Variants in BST1 observed in about 807,000 individuals in gnomAD.
The protein encoded by BST1 is bone marrow stromal cell antigen 1, also known as ADP-ribosyl cyclase/cyclic ADP-ribose hydrolase 2.
In BST1, 49 loss-of-function variants were observed where a neutral mutation model predicts 40.6. That is an observed-to-expected ratio of 1.21 (90% CI 0.96 to 1.53). The LOEUF is 1.53. Among genes scored for constraint, BST1 ranks in the 40% most tolerant of loss-of-function variants. BST1 has a pLI of 0.00. For missense variants in BST1, 423 were observed against 395.9 expected, an observed-to-expected ratio of 1.07 and a Z score of -0.58; for synonymous variants, 157 against 159.3, an observed-to-expected ratio of 0.99 and a Z score of 0.11.
the BST1 span, among the ~76,000 whole-genome samples, chr4:15,759,980 T>C: frequency 3.9e-5 from 6 of 151,980 alleles, no homozygotes; most frequent in Non-Finnish European, 8.8e-5. Context: ...CCTGAAAGTA[T>C]ATGATTTAGT....
chr4:15,750,862 T>G, the BST1 span, among the ~76,000 whole-genome samples: 1 of 152,196 alleles, frequency 6.6e-6, no homozygotes, highest in Non-Finnish European at 1.5e-5. Context: ...TATATATGGC[T>G]CATATTATAT....
In BST1 at chr4:15,725,947, C is replaced by CTTTTT. The variant is rs1206237130; in HGVS notation, c.851+3034_851+3038dup. Among the ~76,000 whole-genome samples, 138 of 60,158 alleles carry CTTTTT rather than the reference C, an allele frequency of 2.3e-3. 4 individuals are homozygous for CTTTTT. Among genetic ancestry groups the CTTTTT allele is most frequent in the South Asian group, 3.4e-3 (4 of 1,162 alleles). 39.5% of individuals were successfully genotyped at this position (60,158 alleles called of 152,430 possible). A position where few individuals can be genotyped will look rare whatever the true frequency, so the allele number is the denominator to read the frequency against. On this transcript the variant is annotated intron_variant, in intron 8 of 8. Transcript: ENST00000265016. ...GACTGACCTACTTGTGAAGTGCGGT[C>CTTTTT]TTTTTTTTTTTTTTTTTTTTTTTTT... is the stretch of plus-strand genomic sequence containing the variant.
At chr4:15,737,672 A>C (rs1050461792), downstream of BST1, 1 of 638,458 alleles carries the variant, frequency 1.6e-6, no homozygotes, top group Non-Finnish European at 2.5e-6. Context: ...GGGTGGGCAC[A>C]TGAAGAACTG....
At chr4:15,749,975 A>T in the BST1 span, among the ~76,000 whole-genome samples, 1 of 140,284 alleles carries the variant, frequency 7.1e-6, no homozygotes, top group African/African-American at 2.7e-5. Flanking sequence ...ATCCCCATCT[A>T]CCTCTCATCC....
chr4:15,705,646 C>A lies in BST1; in HGVS notation c.315+5C>A, dbSNP rs369976386. The A allele has an allele frequency of 2.5e-6, 4 of 1,613,904 alleles. No homozygotes were observed. In the East Asian group the frequency reaches 6.7e-5, roughly 27 times the overall value. ...CACTCTATTCCCAGAGATAAGGTAACACCACAACCATCTTGGGTAAAACTG... is the reference window on the plus strand; with the variant it reads ...CACTCTATTCCCAGAGATAAGGTAAAACCACAACCATCTTGGGTAAAACTG... On this transcript the variant is annotated splice_donor_5th_base_variant and intron_variant, in intron 2 of 8. Transcript: ENST00000265016.
Position 15,712,012 on chromosome 4 carries a change from T to C in BST1, c.534+123T>C, listed in dbSNP as rs1720244432. 4.0e-6 allele frequency: 3 copies of C among 740,764 alleles called. No homozygotes were observed. In the Admixed American group the frequency reaches 6.8e-5, roughly 17 times the overall value. The allele number at this position is 740,764 out of a possible 1,614,324, so 45.9% of individuals were successfully genotyped here. On this transcript the variant is annotated intron_variant, in intron 4 of 8. Transcript: ENST00000265016. ...TTCTCTGAGCCTCACTTTCCACTTT[T>C]ACCACATCATGATTCATGCTCTTTG...
At chr4:15,742,614 T>C (rs1270045709), downstream of BST1, among the ~76,000 whole-genome samples, 1 of 152,264 alleles carries the variant, frequency 6.6e-6, no homozygotes, top group Non-Finnish European at 1.5e-5. Context: ...TGACTTTGAA[T>C]TTCTTTAGAA....
downstream of BST1, among the ~76,000 whole-genome samples, chr4:15,739,204 A>G (rs1333158336): frequency 6.6e-6 from 1 of 152,224 alleles, no homozygotes; most frequent in Non-Finnish European, 1.5e-5. Flanking sequence ...TGCATAACCA[A>G]TGAAGCAGGT....
Position 15,708,752 on chromosome 4 carries a change from A to G in BST1, c.451+1106A>G, listed in dbSNP as rs183373917. Among the ~76,000 whole-genome samples the G allele has an allele frequency of 1.7e-3, 262 of 152,192 alleles. 2 individuals are homozygous for G. Among genetic ancestry groups the G allele is most frequent in the African/African-American group, 6.0e-3 (247 of 41,510 alleles). On this transcript the variant is annotated intron_variant, in intron 3 of 8. Transcript: ENST00000265016. The stretch of plus-strand genomic sequence containing the variant: ...AAAAATTAGCCAGGTATGGTGGTGC[A>G]TGCCTGTAATCACAGCTACTCGGGA...
chr4:15,760,933 G>T, the BST1 span, among the ~76,000 whole-genome samples: 1 of 151,184 alleles, frequency 6.6e-6, no homozygotes, highest in South Asian at 2.1e-4. Flanking sequence ...TGAGTAATCT[G>T]CCTGCCTTGG....
chr4:15,747,480 C>T, the BST1 span, among the ~76,000 whole-genome samples: 4 of 152,132 alleles, frequency 2.6e-5, no homozygotes, highest in South Asian at 2.1e-4. Context: ...TAAACCACTT[C>T]GGAGTTTTTC....
downstream of BST1, among the ~76,000 whole-genome samples, chr4:15,736,896 C>T (rs1342783877): frequency 1.3e-5 from 2 of 152,168 alleles, no homozygotes; most frequent in East Asian, 3.8e-4. Flanking sequence ...ATGACCTAGT[C>T]AGCATTTGAT....
downstream of BST1, among the ~76,000 whole-genome samples, chr4:15,741,096 G>A (rs936548104): frequency 5.8e-5 from 8 of 138,096 alleles, no homozygotes; most frequent in African/African-American, 1.9e-4. Flanking sequence ...TATATCTAGC[G>A]ACAAAAGATT....
Position 15,718,994 on chromosome 4 carries a change from G to A in BST1, c.791+1G>A, listed in dbSNP as rs766617549. 3.1e-6 allele frequency: 5 copies of A among 1,612,578 alleles called. No individual in the cohort carries two copies. The highest frequency in any genetic ancestry group is 1.7e-5 in the Admixed American group (1 of 59,786). ...AGTACAGCTGTATTAATGATTACCGGTAGGTGGCCTATATATCAATGTGCT... is the reference window on the plus strand; with the variant it reads ...AGTACAGCTGTATTAATGATTACCGATAGGTGGCCTATATATCAATGTGCT... On this transcript the variant is annotated splice_donor_variant, in intron 7 of 8. Coordinates refer to ENST00000265016, the MANE Select transcript of BST1 (RefSeq NM_004334.3). LOFTEE classifies it high-confidence loss of function.
intron 6 of BST1, among the ~76,000 whole-genome samples, chr4:15,716,350 A>C (rs1259486665): frequency 1.3e-5 from 2 of 152,208 alleles, no homozygotes; most frequent in East Asian, 3.8e-4. Flanking sequence ...ACTCAAGATA[A>C]AAAAGTTAAA....
the BST1 span, among the ~76,000 whole-genome samples, chr4:15,759,300 C>T: frequency 3.3e-5 from 5 of 151,842 alleles, no homozygotes; most frequent in Non-Finnish European, 5.9e-5. Flanking sequence ...ACTGGTAGAA[C>T]GCCCAGCAGT....
At chr4:15,730,379 G>A (rs1721310440) in intron 8 of BST1, among the ~76,000 whole-genome samples, 1 of 152,196 alleles carries the variant, frequency 6.6e-6, no homozygotes, top group Non-Finnish European at 1.5e-5. Context: ...GCCCTCTGTT[G>A]ATGTCTTCAT....
chr4:15,737,793 G>C (rs3900588), exon 7 of BST1: 145,316 of 1,254,244 alleles, frequency 0.12, 10,458 homozygotes, highest in African/African-American at 0.15. Context: ...ACAGGAAACT[G>C]TGGGAACCAT....
downstream of BST1, among the ~76,000 whole-genome samples, chr4:15,735,085 A>G (rs1002422784): frequency 1.3e-5 from 2 of 151,228 alleles, no homozygotes; most frequent in African/African-American, 4.9e-5. Context: ...CGTGCTCTCT[A>G]CTCTCTCCCT....
Sources: gnomAD v4.1 joint callset for allele counts (sites outside exome capture counted in the v4.1 genomes callset) on GRCh38, gnomAD v4.1.1 for gene constraint, MANE v1.5 for transcripts, NCBI Gene and HGNC (gene_info 2026-07-23, HGNC 2026-07-21) for gene names.